The following ABCG2 variants were observed in gnomAD, a reference collection of about 807,000 sequenced individuals.
ABCG2 encodes the protein ATP binding cassette subfamily G member 2 (JR blood group).
In ABCG2, 80 loss-of-function variants were observed where a neutral mutation model predicts 73.5. The observed-to-expected ratio is 1.09, with a 90% CI of 0.91 to 1.31. The LOEUF (loss-of-function observed/expected upper bound fraction) is 1.31. ABCG2 is among the 50% of genes most tolerant of loss of function. The pLI is 0.00. For synonymous variants in ABCG2, 269 were observed against 282.4 expected, an observed-to-expected ratio of 0.95 and a Z score of 0.48; for missense variants, 796 against 786.2, an observed-to-expected ratio of 1.01 and a Z score of -0.15.
chr4:88,143,302 C>G (rs909944233), intron 1 of ABCG2, among the ~76,000 whole-genome samples: 4 of 152,116 alleles, frequency 2.6e-5, no homozygotes, highest in African/African-American at 9.7e-5. Context: ...CCCATGTATT[C>G]AGAAACCAAA....
rs961593907 is a variant in ABCG2, at chr4:88,179,862, C to T, written c.-19-39848G>A. ...AATAACGAGTGAGCTTGAAGACAGGCTATTTGAAAATACACAGGCAGAGAA... is the reference window on the plus strand; with the variant it reads ...AATAACGAGTGAGCTTGAAGACAGGTTATTTGAAAATACACAGGCAGAGAA... On this transcript the variant is annotated intron_variant, in intron 1 of 15. Transcript: ENST00000515655. Among the ~76,000 whole-genome samples, 3 of 152,032 alleles carry T rather than the reference C, an allele frequency of 2.0e-5. No homozygotes were observed. In the South Asian group the frequency reaches 6.2e-4, roughly 32 times the overall value.
chr4:88,143,708 C>T (rs1725787987), intron 1 of ABCG2, among the ~76,000 whole-genome samples: 1 of 151,972 alleles, frequency 6.6e-6, no homozygotes, highest in Non-Finnish European at 1.5e-5. Context: ...AGATACAGGG[C>T]CTTAGTCATT....
chr4:88,096,937 T>C (rs1722020818), intron 13 of ABCG2, among the ~76,000 whole-genome samples: 1 of 152,194 alleles, frequency 6.6e-6, no homozygotes, highest in South Asian at 2.1e-4. Flanking sequence ...GCTTAATATG[T>C]GTCTTGGAAA....
intron 1 of ABCG2, among the ~76,000 whole-genome samples, chr4:88,208,752 C>T (rs1248025400): frequency 4.6e-5 from 7 of 152,184 alleles, no homozygotes; most frequent in African/African-American, 1.7e-4. Context: ...GCTCAATCAA[C>T]CCAGACAAAG....
intron 1 of ABCG2, among the ~76,000 whole-genome samples, chr4:88,165,658 G>C (rs772844023): frequency 6.6e-6 from 1 of 152,168 alleles, no homozygotes; most frequent in Admixed American, 6.5e-5. Flanking sequence ...GGTGGATTAC[G>C]AGGTCAGGAG....
At chr4:88,176,587 C>T (rs555994550) in intron 1 of ABCG2, among the ~76,000 whole-genome samples, 2 of 146,550 alleles carry the variant, frequency 1.4e-5, no homozygotes, top group Non-Finnish European at 3.0e-5. Flanking sequence ...CTCAGGTGAT[C>T]CTCTCACCTC....
intron 5 of ABCG2, among the ~76,000 whole-genome samples, chr4:88,124,274 G>A (rs3102038): frequency 0.36 from 53,999 of 151,932 alleles, 9,735 homozygotes; most frequent in South Asian, 0.38. Flanking sequence ...AAAATAACCA[G>A]CTAACATCAT....
At chr4:88,097,399 A>G (rs868460907) in intron 13 of ABCG2, 54 bp downstream of exon 13, 1 of 1,591,542 alleles carries the variant, frequency 6.3e-7, no homozygotes, top group Middle Eastern at 1.7e-4. Flanking sequence ...ATGTGCAGGA[A>G]GAAATGAAGG....
chr4:88,111,818 T>TCAC (rs763727277), intron 9 of ABCG2, among the ~76,000 whole-genome samples: 1 of 152,112 alleles, frequency 6.6e-6, no homozygotes, highest in Non-Finnish European at 1.5e-5. Flanking sequence ...AGGCCAGGCA[T>TCAC]GGTGGCTCAC....
intron 5 of ABCG2, among the ~76,000 whole-genome samples, chr4:88,125,932 C>T (rs544860763): frequency 6.6e-6 from 1 of 152,144 alleles, no homozygotes; most frequent in African/African-American, 2.4e-5. Context: ...TAACTAATAT[C>T]AGAGCAGAAC....
At chr4:88,185,048 A>C (rs1030893986) in intron 1 of ABCG2, among the ~76,000 whole-genome samples, 1 of 152,202 alleles carries the variant, frequency 6.6e-6, no homozygotes, top group African/African-American at 2.4e-5. Flanking sequence ...TATCAAATCA[A>C]AATGGATTAA....
intron 1 of ABCG2, among the ~76,000 whole-genome samples, chr4:88,230,138 G>A (rs1379173933): frequency 4.0e-5 from 6 of 149,578 alleles, no homozygotes; most frequent in African/African-American, 1.2e-4. Context: ...GATTACAGGC[G>A]TGTGACACCA....
intron 1 of ABCG2, among the ~76,000 whole-genome samples, chr4:88,195,200 C>T (rs1440667313): frequency 2.0e-5 from 3 of 152,136 alleles, no homozygotes; most frequent in Admixed American, 2.0e-4. Flanking sequence ...CACCACTGCA[C>T]TCCAGCATGG....
intron 1 of ABCG2, among the ~76,000 whole-genome samples, chr4:88,175,467 A>C (rs1383588): frequency 6.6e-6 from 1 of 152,072 alleles, no homozygotes; most frequent in Non-Finnish European, 1.5e-5. Flanking sequence ...AGAACACTTC[A>C]TTAAGAATTT....
chr4:88,113,939 G>A (rs1723334272), intron 8 of ABCG2, among the ~76,000 whole-genome samples: 1 of 152,038 alleles, frequency 6.6e-6, no homozygotes, highest in African/African-American at 2.4e-5. Context: ...ACTCCAGCCT[G>A]TGCAAGAGAG....
chr4:88,144,280 G>A (rs993246506), intron 1 of ABCG2, among the ~76,000 whole-genome samples: 3 of 151,924 alleles, frequency 2.0e-5, no homozygotes, highest in Non-Finnish European at 2.9e-5. Flanking sequence ...ATGTTATTTG[G>A]CCTGATTATG....
chr4:88,195,687 A>G (rs1027657278), intron 1 of ABCG2, among the ~76,000 whole-genome samples: 1 of 152,200 alleles, frequency 6.6e-6, no homozygotes, highest in African/African-American at 2.4e-5. Context: ...AATCCCATGC[A>G]CAGTTTGACC....
chr4:88,146,053 A>G (rs1407964154), intron 1 of ABCG2, among the ~76,000 whole-genome samples: 1 of 152,148 alleles, frequency 6.6e-6, no homozygotes, highest in Non-Finnish European at 1.5e-5. Flanking sequence ...CCATGCTTGG[A>G]TAACAGAGGC....
intron 1 of ABCG2, among the ~76,000 whole-genome samples, chr4:88,214,902 C>T (rs924496679): frequency 6.6e-6 from 1 of 151,798 alleles, no homozygotes; most frequent in Admixed American, 6.6e-5. Flanking sequence ...GGATTATAGG[C>T]GAGAGCCACA....
Sources: gnomAD v4.1 joint callset for allele counts (sites outside exome capture counted in the v4.1 genomes callset) on GRCh38, gnomAD v4.1.1 for gene constraint, MANE v1.5 for transcripts, NCBI Gene and HGNC (gene_info 2026-07-23, HGNC 2026-07-21) for gene names.